Variants in RGS7 observed in about 807,000 individuals in gnomAD.
The protein encoded by RGS7 is regulator of G protein signaling 7.
In RGS7, 27 loss-of-function variants were observed where a neutral mutation model predicts 81.1. That is an observed-to-expected ratio of 0.33 (90% CI 0.25 to 0.46). RGS7 has a LOEUF of 0.46. RGS7 is among the 20% of genes least tolerant of loss of function. RGS7 has a pLI of 1.00. For synonymous variants in RGS7, 208 were observed against 207.7 expected, an observed-to-expected ratio of 1.00 and a Z score of -0.01; for missense variants, 396 against 607.4, an observed-to-expected ratio of 0.65 and a Z score of 3.66.
chr1:240,915,708 C>T (rs994361059), intron 6 of RGS7, among the ~76,000 whole-genome samples: 2 of 151,886 alleles, frequency 1.3e-5, no homozygotes, highest in Non-Finnish European at 2.9e-5. Flanking sequence ...TTCCAAGGCA[C>T]ACTAAAAGAC....
At position 240,900,077 on chromosome 1, in the gene RGS7, C is replaced by G. The variant is rs536256750; in HGVS notation, c.386-29958G>C. 5.3e-5 allele frequency among the ~76,000 whole-genome samples: 8 copies of G among 152,152 alleles called. No homozygotes were observed. In the South Asian group the frequency reaches 1.7e-3, roughly 32 times the overall value. ...TACCCTTTCTTCCACTTGATCGAAT[C>G]GGCTATTGAAGCTTGTGTATGTGTC... is the stretch of plus-strand genomic sequence containing the variant. On this transcript the variant is annotated intron_variant, in intron 6 of 18. Coordinates refer to ENST00000440928, the MANE Select transcript of RGS7 (RefSeq NM_001364886.1).
In RGS7 at chr1:240,775,950, T is replaced by TAGTAGAAGGAGAAAGGAGAAAGA. The variant is rs1354475866; in HGVS notation, c.*269_*270insTCTTTCTCCTTTCTCCTTCTACT. On this transcript the variant is annotated 3_prime_UTR_variant, in exon 19 of 19. Coordinates refer to ENST00000440928, the MANE Select transcript of RGS7 (RefSeq NM_001364886.1). The stretch of plus-strand genomic sequence containing the variant: ...AAAAGGAAGAGACACAGATCCAGCA[T>TAGTAGAAGGAGAAAGGAGAAAGA]AGTAGAAGGAGAAAGAAAGCAGACA... 1.7e-6 allele frequency: 1 copy of TAGTAGAAGGAGAAAGGAGAAAGA among 578,842 alleles called. No homozygotes were observed. Among genetic ancestry groups the TAGTAGAAGGAGAAAGGAGAAAGA allele is most frequent in the Admixed American group, 2.9e-5 (1 of 34,878 alleles). The allele number at this position is 578,842 out of a possible 1,614,324, so 35.9% of individuals were successfully genotyped here.
At chr1:240,813,310 A>C (rs1690208110) in intron 13 of RGS7, among the ~76,000 whole-genome samples, 1 of 152,210 alleles carries the variant, frequency 6.6e-6, no homozygotes, top group Non-Finnish European at 1.5e-5. Context: ...GGCTACGTGA[A>C]TTTTCCAGGA....
chr1:241,155,569 G>A lies in RGS7; in HGVS notation c.79-56807C>T, dbSNP rs1304724476. On this transcript the variant is annotated intron_variant, in intron 2 of 18. Transcript: ENST00000440928. ...CATTGTTCAAAATTTATGCTCACTT[G>A]AAAAAAAGAAAAAAAAAAAAAAAAA... Among the ~76,000 whole-genome samples, 252 of 84,348 alleles carry A rather than the reference G, an allele frequency of 3.0e-3. 4 individuals are homozygous for A. In the East Asian group the frequency reaches 0.078, roughly 26 times the overall value. The allele number at this position is 84,348 out of a possible 152,430, so 55.3% of individuals were successfully genotyped here. A position where few individuals can be genotyped will look rare whatever the true frequency, so the allele number is the denominator to read the frequency against.
At chr1:241,014,150 ATCT>A (rs2059108001) in intron 3 of RGS7, among the ~76,000 whole-genome samples, 1 of 152,218 alleles carries the variant, frequency 6.6e-6, no homozygotes, top group African/African-American at 2.4e-5. Context: ...CTATGTTTTC[ATCT>A]TCTTCTCTTG....
intron 17 of RGS7, among the ~76,000 whole-genome samples, chr1:240,801,235 T>C (rs1687975778): frequency 6.6e-6 from 1 of 152,174 alleles, no homozygotes; most frequent in African/African-American, 2.4e-5. Flanking sequence ...CAAACTTTAA[T>C]TCTGTACAGA....
intron 4 of RGS7, among the ~76,000 whole-genome samples, chr1:240,959,610 G>T (rs917353046): frequency 6.6e-6 from 1 of 152,126 alleles, no homozygotes; most frequent in African/African-American, 2.4e-5. Flanking sequence ...TTTGCTGACC[G>T]AAACGTTGTT....
At chr1:240,876,811 A>G (rs900622373) in intron 6 of RGS7, among the ~76,000 whole-genome samples, 7 of 152,154 alleles carry the variant, frequency 4.6e-5, no homozygotes, top group Non-Finnish European at 8.8e-5. Context: ...AATACAAAAA[A>G]TTAGCTGGGC....
intron 3 of RGS7, among the ~76,000 whole-genome samples, chr1:241,011,598 G>A (rs1175798734): frequency 6.6e-6 from 1 of 152,142 alleles, no homozygotes; most frequent in East Asian, 1.9e-4. Context: ...AAATGAGGCT[G>A]GGACTTGTTG....
intron 3 of RGS7, among the ~76,000 whole-genome samples, chr1:241,056,068 C>A (rs2061463606): frequency 6.6e-6 from 1 of 152,152 alleles, no homozygotes; most frequent in African/African-American, 2.4e-5. Flanking sequence ...TATGATCTGG[C>A]CCATGACTAC....
At chr1:241,335,996 A>G (rs1025543083) in intron 2 of RGS7, among the ~76,000 whole-genome samples, 2 of 152,070 alleles carry the variant, frequency 1.3e-5, no homozygotes, top group African/African-American at 4.8e-5. Flanking sequence ...TAGTGTGATT[A>G]TGATTGCTTC....
intron 2 of RGS7, among the ~76,000 whole-genome samples, chr1:241,260,344 C>T (rs181727826): frequency 6.6e-6 from 1 of 152,326 alleles, no homozygotes; most frequent in African/African-American, 2.4e-5. Flanking sequence ...GCCCTAAATA[C>T]CTGCTCAGTG....
At chr1:241,048,094 G>A (rs1014061130) in intron 3 of RGS7, among the ~76,000 whole-genome samples, 3 of 151,038 alleles carry the variant, frequency 2.0e-5, no homozygotes, top group Admixed American at 6.6e-5. Context: ...TATGTATGGC[G>A]GGGTCACGGG....
At chr1:241,127,365 T>C (rs1027026448) in intron 2 of RGS7, among the ~76,000 whole-genome samples, 2 of 152,178 alleles carry the variant, frequency 1.3e-5, no homozygotes, top group African/African-American at 2.4e-5. Flanking sequence ...CACAATTCTA[T>C]GAAGCTAAGA....
intron 6 of RGS7, chr1:240,919,842 G>A: frequency 1.3e-6 from 1 of 792,410 alleles, no homozygotes; most frequent in South Asian, 1.3e-5. Context: ...ATAGGCCACT[G>A]TGGAGAATGG....
At chr1:241,217,198 G>A (rs955845739) in intron 2 of RGS7, among the ~76,000 whole-genome samples, 1 of 152,082 alleles carries the variant, frequency 6.6e-6, no homozygotes, top group African/African-American at 2.4e-5. Flanking sequence ...CTCTCTCCAG[G>A]TGCACATATT....
chr1:240,781,972 G>A (rs537968866), intron 18 of RGS7, among the ~76,000 whole-genome samples: 6 of 151,422 alleles, frequency 4.0e-5, no homozygotes, highest in Non-Finnish European at 7.4e-5. Context: ...CTGAGATCGC[G>A]CCATTGTACT....
intron 3 of RGS7, among the ~76,000 whole-genome samples, chr1:241,041,639 T>G (rs2060623655): frequency 6.6e-6 from 1 of 152,186 alleles, no homozygotes; most frequent in African/African-American, 2.4e-5. Flanking sequence ...CATGCAGATG[T>G]TGTCTGCAGA....
chr1:241,212,513 C>G (rs993790069), intron 2 of RGS7, among the ~76,000 whole-genome samples: 1 of 152,152 alleles, frequency 6.6e-6, no homozygotes, highest in Non-Finnish European at 1.5e-5. Context: ...AAAGCTGAAT[C>G]TGAAGCTGCC....
Sources: allele counts gnomAD v4.1 joint callset (sites outside exome capture counted in the v4.1 genomes callset), GRCh38; gene constraint gnomAD v4.1.1; transcripts MANE v1.5; gene names NCBI Gene and HGNC (gene_info 2026-07-23, HGNC 2026-07-21).